The following CD96 variants were observed in gnomAD, a reference collection of about 807,000 sequenced individuals.
CD96 encodes CD96 molecule, also known as T-cell surface protein tactile.
In CD96, 70 loss-of-function variants were observed where a neutral mutation model predicts 71.3. The ratio of observed to expected loss-of-function variants is 0.98; its 90% CI spans 0.81 to 1.20. The LOEUF (loss-of-function observed/expected upper bound fraction) is 1.20, where lower values mean the gene tolerates loss of function less well. Among genes scored for constraint, CD96 ranks in the 50% most tolerant of loss-of-function variants. The probability of loss-of-function intolerance (pLI) is 0.00; values close to 1 mark genes in which losing one functional copy is unlikely to be tolerated. For synonymous variants in CD96, 248 were observed against 233.0 expected, an observed-to-expected ratio of 1.06 and a Z score of -0.59; for missense variants, 742 against 677.5, an observed-to-expected ratio of 1.10 and a Z score of -1.06.
At chr3:111,641,799 C>G (rs1467544986) in intron 12 of CD96, among the ~76,000 whole-genome samples, 1 of 152,166 alleles carries the variant, frequency 6.6e-6, no homozygotes, top group Non-Finnish European at 1.5e-5. Context: ...ATCAAGCACT[C>G]TCTCAGACCA....
At chr3:111,555,792 A>G (rs1200473707) in intron 2 of CD96, among the ~76,000 whole-genome samples, 1 of 152,280 alleles carries the variant, frequency 6.6e-6, no homozygotes, top group Non-Finnish European at 1.5e-5. Context: ...TAATTTTAAG[A>G]AAGTTTTTAA....
chr3:111,659,899 G>A (rs1179363434), intron 14 of CD96, among the ~76,000 whole-genome samples: 1 of 152,122 alleles, frequency 6.6e-6, no homozygotes, highest in African/African-American at 2.4e-5. Flanking sequence ...AGTTATACAT[G>A]CCCAACCCAC....
chr3:111,599,911 A>C (rs1006400257), intron 6 of CD96, among the ~76,000 whole-genome samples: 1 of 152,230 alleles, frequency 6.6e-6, no homozygotes, highest in Non-Finnish European at 1.5e-5. Flanking sequence ...AATGTGAAAA[A>C]GCTGTAAGAA....
chr3:111,602,499 T>C (rs1384999614), intron 7 of CD96, among the ~76,000 whole-genome samples: 2 of 152,130 alleles, frequency 1.3e-5, no homozygotes, highest in African/African-American at 2.4e-5. Context: ...TTAAAGACAA[T>C]TAATCTTTAG....
chr3:111,547,048 C>T (rs1934444260), intron 2 of CD96, among the ~76,000 whole-genome samples: 2 of 151,954 alleles, frequency 1.3e-5, no homozygotes, highest in Non-Finnish European at 2.9e-5. Flanking sequence ...ATTCAGGTAG[C>T]CTGTATTTGG....
intron 5 of CD96, among the ~76,000 whole-genome samples, chr3:111,597,105 A>G (rs886322042): frequency 8.5e-5 from 13 of 152,232 alleles, no homozygotes; most frequent in Middle Eastern, 3.2e-3. Context: ...CATACATTTA[A>G]TTGTTCTTTA....
intron 3 of CD96, among the ~76,000 whole-genome samples, chr3:111,568,726 C>T (rs568570348): frequency 6.6e-6 from 1 of 152,236 alleles, no homozygotes; most frequent in South Asian, 2.1e-4. Context: ...AGCTTTTTCT[C>T]ATAACACGTA....
chr3:111,608,701 G>A (rs372009478), intron 8 of CD96, among the ~76,000 whole-genome samples: 1 of 152,118 alleles, frequency 6.6e-6, no homozygotes, highest in African/African-American at 2.4e-5. Context: ...AACAGGAACC[G>A]TATTTGTTTT....
At chr3:111,620,440 T>C (rs1056054837) in intron 8 of CD96, among the ~76,000 whole-genome samples, 1 of 152,144 alleles carries the variant, frequency 6.6e-6, no homozygotes, top group African/African-American at 2.4e-5. Flanking sequence ...TGAACCACAG[T>C]GTAAAGTGGG....
intron 3 of CD96, among the ~76,000 whole-genome samples, chr3:111,573,018 A>T (rs1053329343): frequency 1.3e-5 from 2 of 152,208 alleles, no homozygotes; most frequent in African/African-American, 4.8e-5. Flanking sequence ...CTAAGTAAAC[A>T]CAAAGGGTTA....
chr3:111,586,362 A>G (rs1936713567), intron 5 of CD96, among the ~76,000 whole-genome samples: 1 of 152,220 alleles, frequency 6.6e-6, no homozygotes, highest in South Asian at 2.1e-4. Flanking sequence ...CTTACTGAAT[A>G]TTAGTCATTT....
chr3:111,632,572 G>T (rs1363967627), intron 10 of CD96, among the ~76,000 whole-genome samples: 1 of 152,152 alleles, frequency 6.6e-6, no homozygotes, highest in Non-Finnish European at 1.5e-5. Context: ...ATTCCTCAAA[G>T]ACCTAGATGC....
chr3:111,656,832 T>C (rs1940241598), downstream of CD96, among the ~76,000 whole-genome samples: 1 of 152,054 alleles, frequency 6.6e-6, no homozygotes, highest in Non-Finnish European at 1.5e-5. Flanking sequence ...TATGCCTATT[T>C]TTACAAAAAG....
chr3:111,555,672 CT>C (rs1252467557), intron 2 of CD96, among the ~76,000 whole-genome samples: 1 of 152,288 alleles, frequency 6.6e-6, no homozygotes, highest in Non-Finnish European at 1.5e-5. Flanking sequence ...TTCTTTTTGG[CT>C]TCCAGAAGTT....
At chr3:111,562,456 A>T (rs1042054081) in intron 2 of CD96, among the ~76,000 whole-genome samples, 1 of 152,218 alleles carries the variant, frequency 6.6e-6, no homozygotes, top group East Asian at 1.9e-4. Context: ...ATTTAGGTTC[A>T]TTTTGTTTCA....
chr3:111,576,642 T>C (rs1400871420), intron 3 of CD96, among the ~76,000 whole-genome samples: 2 of 152,102 alleles, frequency 1.3e-5, no homozygotes, highest in African/African-American at 4.8e-5. Flanking sequence ...TGATCTTTGA[T>C]CAAATTTTTA....
intron 3 of CD96, among the ~76,000 whole-genome samples, chr3:111,578,500 G>T (rs1404966545): frequency 1.3e-5 from 2 of 152,180 alleles, no homozygotes; most frequent in Non-Finnish European, 2.9e-5. Context: ...ACTCACTGTT[G>T]GGTGTCAACA....
chr3:111,636,584 C>T (rs979841561), intron 10 of CD96, among the ~76,000 whole-genome samples: 1 of 152,166 alleles, frequency 6.6e-6, no homozygotes, highest in Non-Finnish European at 1.5e-5. Flanking sequence ...AGATCTATTT[C>T]AAAAGCCATA....
intron 3 of CD96, among the ~76,000 whole-genome samples, chr3:111,574,942 C>G (rs1362368663): frequency 2.4e-5 from 3 of 124,530 alleles, no homozygotes; most frequent in Non-Finnish European, 5.1e-5. Context: ...TGCCACCATA[C>G]CCAGCTAACT....
Sources: allele counts gnomAD v4.1 joint callset (sites outside exome capture counted in the v4.1 genomes callset), GRCh38; gene constraint gnomAD v4.1.1; transcripts MANE v1.5; gene names NCBI Gene and HGNC (gene_info 2026-07-23, HGNC 2026-07-21).